PRORP: variants seen among roughly 807,000 people sequenced by gnomAD.
The protein encoded by PRORP is mitochondrial ribonuclease P catalytic subunit.
In PRORP, 51 loss-of-function variants were observed where a neutral mutation model predicts 59.4. The observed-to-expected ratio is 0.86, with a 90% confidence interval of 0.69 to 1.08. The LOEUF is 1.08. Among genes scored for constraint, PRORP ranks in the 50% least tolerant of loss-of-function variants. The pLI, the probability that PRORP is intolerant of heterozygous loss-of-function variation, is 0.00. For synonymous variants in PRORP, 231 were observed against 245.6 expected (o/e 0.94, Z 0.55); for missense variants, 646 against 690.3 (o/e 0.94, Z 0.72).
chr14:35,138,582 A>T (rs1025492666), intron 4 of PRORP, among the ~76,000 whole-genome samples: 1 of 144,936 alleles, frequency 6.9e-6, no homozygotes, highest in East Asian at 2.3e-4. Flanking sequence ...AAATCTACTT[A>T]AAAAAATTTT....
chr14:35,123,629 G>A lies in PRORP; in HGVS notation c.384G>A (p.Lys128=). The A allele has an allele frequency of 6.2e-7, 1 of 1,614,124 alleles. No individual in the cohort carries two copies. The highest frequency in any genetic ancestry group is 1.1e-5 in the South Asian group (1 of 91,086). Residue 128 remains lysine, a synonymous_variant, in exon 2 of 8, where the codon AAG becomes AAA. Transcript: ENST00000534898. ...PLNSEEWDKL[K]EDLKENTGKT... is the part of the protein sequence containing the mutation. ...ATTCAGAGGAGTGGGATAAACTTAA[G>A]GAAGATTTAAAAGAAAACACCGGAA... is the stretch of plus-strand genomic sequence containing the variant.
chr14:35,266,013 CAAAAAAAA>C (rs35304125), intron 5 of PRORP, among the ~76,000 whole-genome samples: 1 of 117,118 alleles, frequency 8.5e-6, no homozygotes, highest in Non-Finnish European at 1.8e-5. Flanking sequence ...CCATCTCTAC[CAAAAAAAA>C]AAAAAAAAAA....
intron 5 of PRORP, among the ~76,000 whole-genome samples, chr14:35,222,970 T>A (rs1566507478): frequency 6.6e-6 from 1 of 152,206 alleles, no homozygotes; most frequent in Non-Finnish European, 1.5e-5. Flanking sequence ...TGTTATAGTT[T>A]CTGGCTTAGA....
At chr14:35,190,001 C>T (rs1236638810) in intron 5 of PRORP, among the ~76,000 whole-genome samples, 2 of 151,738 alleles carry the variant, frequency 1.3e-5, no homozygotes, top group African/African-American at 2.4e-5. Flanking sequence ...CTCAGCTACT[C>T]GGGAGGCTGA....
At position 35,276,666 on chromosome 14, in the gene PRORP, G is replaced by T. The variant is rs552367580; in HGVS notation, c.*3100G>T. 6.6e-6 allele frequency: 1 copy of T among 152,020 alleles called. No individual in the cohort carries two copies. The highest frequency in any genetic ancestry group is 1.5e-5 in the Non-Finnish European group (1 of 68,032). 9.4% of individuals were successfully genotyped at this position (152,020 alleles called of 1,614,324 possible). On this transcript the variant is annotated 3_prime_UTR_variant, in exon 8 of 8. Coordinates refer to ENST00000534898, the MANE Select transcript of PRORP (RefSeq NM_014672.4). ...AAGGTACCTGTCAAGCAAGCTCCTG[G>T]ACACCACAAGAAGGAGGAATTATTT...
intron 5 of PRORP, chr14:35,263,073 G>A (rs371658112): frequency 4.1e-5 from 56 of 1,375,878 alleles, no homozygotes; most frequent in Middle Eastern, 2.5e-4. Context: ...ACAAGATGCC[G>A]GATGATTCCT....
intron 5 of PRORP, among the ~76,000 whole-genome samples, chr14:35,248,973 A>ATGT (rs1340546979): frequency 6.6e-6 from 1 of 152,198 alleles, no homozygotes; most frequent in African/African-American, 2.4e-5. Flanking sequence ...GGCGAGCACA[A>ATGT]TGCATCAATT....
chr14:35,255,824 AATAG>A (rs2050737157), intron 5 of PRORP, among the ~76,000 whole-genome samples: 2 of 152,190 alleles, frequency 1.3e-5, no homozygotes, highest in Non-Finnish European at 2.9e-5. Flanking sequence ...AGAAAAGATA[AATAG>A]ATAAAGAGCT....
intron 4 of PRORP, among the ~76,000 whole-genome samples, chr14:35,140,247 C>T (rs1340980880): frequency 1.4e-5 from 2 of 143,770 alleles, no homozygotes; most frequent in East Asian, 2.4e-4. Context: ...GTGTGTGTGT[C>T]GCTTTTTCAG....
chr14:35,228,827 G>A (rs571436228), intron 5 of PRORP, among the ~76,000 whole-genome samples: 1 of 152,284 alleles, frequency 6.6e-6, no homozygotes, highest in Admixed American at 6.5e-5. Flanking sequence ...CCAGTAATGG[G>A]ATTGCTGGGT....
rs535485851 is a variant in PRORP at position 35,258,387 on chromosome 14, A to G, written c.1276-8340A>G. On this transcript the variant is annotated intron_variant, in intron 5 of 7. Coordinates refer to ENST00000534898, the MANE Select transcript of PRORP (RefSeq NM_014672.4). ...AAATTAAAATTTAACCCCGATGGTA[A>G]TCAGAATAAAGAAAATGCAGTGGCA... 3.9e-5 allele frequency among the ~76,000 whole-genome samples: 6 copies of G among 152,240 alleles called. No individual in the cohort carries two copies. In the South Asian group the frequency reaches 1.2e-3, roughly 31 times the overall value.
intron 4 of PRORP, chr14:35,158,959 C>G (rs2047990937): frequency 2.9e-6 from 1 of 347,214 alleles, no homozygotes; most frequent in South Asian, 2.7e-5. Flanking sequence ...CACTGATTCT[C>G]TGGATACTTG....
At position 35,193,893 on chromosome 14, in the gene PRORP, A is replaced by G. The variant is rs554486992; in HGVS notation, c.1275+13116A>G. 3.3e-5 allele frequency among the ~76,000 whole-genome samples: 5 copies of G among 152,248 alleles called. No individual in the cohort carries two copies. In the South Asian group the frequency reaches 1.0e-3, roughly 32 times the overall value. ...TTAGAGGTAGAATGTCTTGTCCCTT[A>G]TGTCCCAAAACTTGGGTGTCTTATT... is the stretch of plus-strand genomic sequence containing the variant. On this transcript the variant is annotated intron_variant, in intron 5 of 7. Coordinates refer to ENST00000534898, the MANE Select transcript of PRORP (RefSeq NM_014672.4).
At chr14:35,151,758 A>T (rs974340414) in intron 4 of PRORP, among the ~76,000 whole-genome samples, 2 of 152,164 alleles carry the variant, frequency 1.3e-5, no homozygotes, top group East Asian at 1.9e-4. Flanking sequence ...TGTTTAGAAC[A>T]CTGTTGTATC....
At chr14:35,159,205 C>G (rs142698553) in intron 4 of PRORP, 1 of 168,790 alleles carries the variant, frequency 5.9e-6, no homozygotes, top group Non-Finnish European at 1.3e-5. Flanking sequence ...CCAGTTTGGT[C>G]GCAGCCTACT....
chr14:35,197,809 TTAAAA>T (rs1268321467), intron 5 of PRORP, among the ~76,000 whole-genome samples: 1 of 152,254 alleles, frequency 6.6e-6, no homozygotes, highest in African/African-American at 2.4e-5. Context: ...TTAAAATAAG[TTAAAA>T]TAAAGTTAAT....
intron 4 of PRORP, chr14:35,158,962 G>T: frequency 5.8e-6 from 2 of 346,078 alleles, no homozygotes. Context: ...TGATTCTCTG[G>T]ATACTTGATT....
At position 35,123,404 on chromosome 14, in the gene PRORP, A is replaced by G; in HGVS notation, c.159A>G (p.Pro53=). 3.1e-6 allele frequency: 5 copies of G among 1,614,216 alleles called. No homozygotes were observed. In the Middle Eastern group the frequency reaches 8.2e-4, roughly 266 times the overall value. Residue 53 remains proline (P), a synonymous_variant, in exon 2 of 8, where the codon CCA becomes CCG. Transcript: ENST00000534898. The part of the protein sequence containing the change: ...QRLFSLKTMS[P]QNTKATNLIA... Reference sequence around the variant, plus strand: ...TGTTTTCTCTTAAAACAATGTCTCCACAGAATACCAAAGCAACGAATCTGA... The same window carrying G: ...TGTTTTCTCTTAAAACAATGTCTCCGCAGAATACCAAAGCAACGAATCTGA...
At chr14:35,125,369 T>C (rs2047072878) in intron 2 of PRORP, among the ~76,000 whole-genome samples, 1 of 152,236 alleles carries the variant, frequency 6.6e-6, no homozygotes, top group South Asian at 2.1e-4. Flanking sequence ...CATACCTGTT[T>C]ATTGCTTTAG....
Sources: gnomAD v4.1 joint callset for allele counts (sites outside exome capture counted in the v4.1 genomes callset) on GRCh38, gnomAD v4.1.1 for gene constraint, MANE v1.5 for transcripts, NCBI Gene and HGNC (gene_info 2026-07-23, HGNC 2026-07-21) for gene names.